The following UQCC1 variants were observed in gnomAD, a reference collection of about 807,000 sequenced individuals.
UQCC1 encodes bFGF-repressed Zic-binding protein.
In UQCC1, 38 loss-of-function variants were observed where a neutral mutation model predicts 48.0. The observed-to-expected ratio is 0.79, with a 90% confidence interval of 0.61 to 1.04. UQCC1 has a LOEUF of 1.04. UQCC1 is among the 50% of genes least tolerant of loss of function. UQCC1 has a pLI of 0.00. For synonymous variants in UQCC1, 111 were observed against 129.2 expected, an observed-to-expected ratio of 0.86 and a Z score of 0.95; for missense variants, 368 against 381.8, an observed-to-expected ratio of 0.96 and a Z score of 0.30.
chr20:35,324,072 C>G (rs1316872166), intron 7 of UQCC1, among the ~76,000 whole-genome samples: 1 of 152,226 alleles, frequency 6.6e-6, no homozygotes, highest in Non-Finnish European at 1.5e-5. Flanking sequence ...CTGGCCAACA[C>G]AGCAAGACCT....
At chr20:35,339,452 G>A (rs1359388171) in intron 7 of UQCC1, among the ~76,000 whole-genome samples, 1 of 152,142 alleles carries the variant, frequency 6.6e-6, no homozygotes, top group Non-Finnish European at 1.5e-5. Flanking sequence ...AGCAGACAGG[G>A]GAGAAGACCA....
chr20:35,394,216 A>C lies in UQCC1; in HGVS notation c.25-20T>G. 1 of 1,594,402 alleles carries C rather than the reference A, an allele frequency of 6.3e-7. No homozygotes were observed. On this transcript the variant is annotated intron_variant, in intron 1 of 9. Transcript: ENST00000374385. The stretch of plus-strand genomic sequence containing the variant: ...GTTCCTCTAAAGAAAGAAAATAATA[A>C]TCTGTCAGGAATCTAAATCATACTC...
chr20:35,315,782 T>G (rs973691216), intron 7 of UQCC1, among the ~76,000 whole-genome samples: 8 of 152,044 alleles, frequency 5.3e-5, no homozygotes, highest in Non-Finnish European at 1.2e-4. Context: ...CCCGGCTACT[T>G]GGGAGGCTGA....
At chr20:35,356,040 T>G (rs139471397) in intron 6 of UQCC1, among the ~76,000 whole-genome samples, 1 of 152,056 alleles carries the variant, frequency 6.6e-6, no homozygotes, top group East Asian at 1.9e-4. Context: ...TGCACCACCA[T>G]GCCCAGCTAA....
chr20:35,303,249 GC>G lies in UQCC1; in HGVS notation c.*685del. 1 of 152,350 alleles carries G rather than the reference GC, an allele frequency of 6.6e-6. No individual in the cohort carries two copies. The highest frequency in any genetic ancestry group is 2.4e-5 in the African/African-American group (1 of 41,564). 9.4% of individuals were successfully genotyped at this position (152,350 alleles called of 1,614,324 possible). A position where few individuals can be genotyped will look rare whatever the true frequency, so the allele number is the denominator to read the frequency against. On this transcript the variant is annotated 3_prime_UTR_variant, in exon 10 of 10. Transcript: ENST00000374385. Reference sequence around the variant, plus strand: ...ATGTGAAAGCCCTTGGTCATCAGAGGCCTCCTGGGTCCCAGACGACAGGCCT... The same window carrying G: ...ATGTGAAAGCCCTTGGTCATCAGAGGCTCCTGGGTCCCAGACGACAGGCCT...
chr20:35,382,762 G>A (rs529309273), intron 3 of UQCC1, among the ~76,000 whole-genome samples: 4 of 150,376 alleles, frequency 2.7e-5, no homozygotes, highest in South Asian at 4.2e-4. Flanking sequence ...TGCCCGCCTC[G>A]GCCTCCCAAA....
chr20:35,411,896 C>G, intron 1 of UQCC1, 44 bp downstream of exon 1: 1 of 1,613,984 alleles, frequency 6.2e-7, no homozygotes, highest in Non-Finnish European at 8.5e-7. Flanking sequence ...GAACTCCAAC[C>G]CGGGACCCAG....
intron 6 of UQCC1, among the ~76,000 whole-genome samples, chr20:35,350,996 C>T (rs781101408): frequency 2.6e-5 from 4 of 152,006 alleles, no homozygotes; most frequent in African/African-American, 7.3e-5. Context: ...GGGCCAAGAT[C>T]GCGCCACTGC....
chr20:35,367,558 A>G (rs1217209240), intron 5 of UQCC1, among the ~76,000 whole-genome samples: 3 of 152,116 alleles, frequency 2.0e-5, no homozygotes, highest in Non-Finnish European at 4.4e-5. Context: ...CAGGAGTTTG[A>G]GACCAGCCTG....
chr20:35,351,636 T>C (rs1193740327), intron 6 of UQCC1, among the ~76,000 whole-genome samples: 2 of 152,296 alleles, frequency 1.3e-5, no homozygotes, highest in Non-Finnish European at 2.9e-5. Context: ...ACAGCAATAG[T>C]GAGGTAATGG....
intron 4 of UQCC1, 143 bp from the exon 5 acceptor site, chr20:35,374,399 A>T (rs912556848): frequency 3.3e-5 from 17 of 510,318 alleles, no homozygotes; most frequent in Middle Eastern, 3.3e-4. Context: ...ACCAATATAA[A>T]TTTTTTTTGT....
chr20:35,327,144 T>C (rs1472587698), intron 7 of UQCC1, among the ~76,000 whole-genome samples: 9 of 152,220 alleles, frequency 5.9e-5, no homozygotes, highest in Admixed American at 5.9e-4. Flanking sequence ...CCCTGCCTTC[T>C]TCTTCTCCAC....
intron 4 of UQCC1, among the ~76,000 whole-genome samples, chr20:35,376,225 T>C (rs2061797766): frequency 6.7e-6 from 1 of 149,724 alleles, no homozygotes; most frequent in African/African-American, 2.5e-5. Context: ...GGAGAATCAC[T>C]TGAACCTGGG....
intron 7 of UQCC1, among the ~76,000 whole-genome samples, chr20:35,319,434 G>A (rs1006604020): frequency 2.6e-5 from 4 of 152,068 alleles, no homozygotes; most frequent in Non-Finnish European, 2.9e-5. Context: ...TAAATTATCC[G>A]TTCATTTTTA....
intron 7 of UQCC1, among the ~76,000 whole-genome samples, chr20:35,328,734 T>C (rs143903588): frequency 2.2e-4 from 33 of 152,320 alleles, no homozygotes; most frequent in Middle Eastern, 6.8e-3. Context: ...TCTCAGGACC[T>C]TGGGGCTCAC....
At chr20:35,330,848 G>A (rs2061248763) in intron 7 of UQCC1, among the ~76,000 whole-genome samples, 1 of 151,816 alleles carries the variant, frequency 6.6e-6, no homozygotes, top group Non-Finnish European at 1.5e-5. Context: ...TCCAGGCTCT[G>A]CATTGGAGCC....
chr20:35,354,483 G>A (rs1026214262), intron 6 of UQCC1, among the ~76,000 whole-genome samples: 9 of 150,546 alleles, frequency 6.0e-5, no homozygotes, highest in Non-Finnish European at 4.4e-5. Context: ...TGCAAGCTCC[G>A]CCTCCTGGGT....
chr20:35,394,346 G>A (rs946602652), intron 1 of UQCC1, 150 bp from the exon 2 acceptor site: 2 of 662,102 alleles, frequency 3.0e-6, no homozygotes, highest in African/African-American at 3.6e-5. Context: ...AAAACCCTTG[G>A]AATTTCTGAG....
intron 8 of UQCC1, chr20:35,306,999 G>A (rs2060936895): frequency 1.1e-5 from 6 of 564,604 alleles, no homozygotes; most frequent in Admixed American, 1.0e-4. Flanking sequence ...GGAGAACAGG[G>A]GGTCCAGAGG....
Sources: allele counts gnomAD v4.1 joint callset (sites outside exome capture counted in the v4.1 genomes callset), GRCh38; gene constraint gnomAD v4.1.1; transcripts MANE v1.5; gene names NCBI Gene and HGNC (gene_info 2026-07-23, HGNC 2026-07-21).